NALF1: variants seen among roughly 807,000 people sequenced by gnomAD.
NALF1 encodes family with sequence similarity 155 member A.
NALF1 carries 3 observed loss-of-function variants against 48.4 expected under a neutral mutation model. The ratio of observed to expected loss-of-function variants is 0.06; its 90% CI spans 0.03 to 0.16. NALF1 has a LOEUF of 0.16. Ranked by LOEUF, NALF1 falls within the 10% of genes least tolerant of loss-of-function variation. The pLI is 1.00. For synonymous variants in NALF1, 262 were observed against 245.7 expected (o/e 1.07, Z -0.62); for missense variants, 526 against 571.5 (o/e 0.92, Z 0.81).
intron 1 of NALF1, among the ~76,000 whole-genome samples, chr13:107,240,127 T>C (rs1478632233): frequency 6.6e-6 from 1 of 152,222 alleles, no homozygotes; most frequent in Non-Finnish European, 1.5e-5. Flanking sequence ...GTTGATATGC[T>C]GAAGCCTTAA....
At chr13:107,325,127 AT>A (rs1028547088) in intron 1 of NALF1, among the ~76,000 whole-genome samples, 2 of 152,168 alleles carry the variant, frequency 1.3e-5, no homozygotes, top group Non-Finnish European at 2.9e-5. Flanking sequence ...CATATGATTT[AT>A]TTTTCACGTC....
intron 2 of NALF1, among the ~76,000 whole-genome samples, chr13:107,181,200 G>T (rs1000186441): frequency 4.0e-5 from 6 of 151,060 alleles, no homozygotes; most frequent in African/African-American, 1.5e-4. Context: ...TTAGTGAATT[G>T]GTATCTTTAT....
At chr13:107,488,133 G>T (rs1284315967) in intron 1 of NALF1, among the ~76,000 whole-genome samples, 1 of 151,044 alleles carries the variant, frequency 6.6e-6, no homozygotes, top group Non-Finnish European at 1.5e-5. Flanking sequence ...TATCATTTCT[G>T]ATGGTGTTTA....
intron 1 of NALF1, among the ~76,000 whole-genome samples, chr13:107,821,662 A>C (rs1383197077): frequency 6.6e-6 from 1 of 152,198 alleles, no homozygotes; most frequent in Non-Finnish European, 1.5e-5. Flanking sequence ...GACTGGGGAG[A>C]TATGACAACT....
chr13:107,574,655 A>G (rs1206542459), intron 1 of NALF1, among the ~76,000 whole-genome samples: 1 of 152,190 alleles, frequency 6.6e-6, no homozygotes, highest in Admixed American at 6.5e-5. Context: ...AAATTGAGTG[A>G]CCTGTTGGTA....
At chr13:107,661,313 T>C (rs1880729954) in intron 1 of NALF1, among the ~76,000 whole-genome samples, 1 of 152,198 alleles carries the variant, frequency 6.6e-6, no homozygotes. Flanking sequence ...GGCAAATACA[T>C]TAAACTAGGC....
At chr13:107,287,274 G>A (rs1046997720) in intron 1 of NALF1, among the ~76,000 whole-genome samples, 3 of 152,142 alleles carry the variant, frequency 2.0e-5, no homozygotes, top group Non-Finnish European at 2.9e-5. Context: ...GTAATTATCC[G>A]TGGAACATCA....
Position 107,442,834 on chromosome 13 carries a change from A to G in NALF1, c.916-232079T>C, listed in dbSNP as rs557139671. Among the ~76,000 whole-genome samples, 159 of 152,360 alleles carry G rather than the reference A, an allele frequency of 1.0e-3. 2 individuals carry two copies. The highest frequency in any genetic ancestry group is 3.3e-3 in the African/African-American group (138 of 41,582). On this transcript the variant is annotated intron_variant, in intron 1 of 2. Transcript: ENST00000375915. ...AAGAAAATGGCAAATCGGCATTGATATAATGGTTAAAGTTTTAACTATTGA... is the reference window on the plus strand; with the variant it reads ...AAGAAAATGGCAAATCGGCATTGATGTAATGGTTAAAGTTTTAACTATTGA...
At chr13:107,468,454 G>A (rs2139050024) in intron 1 of NALF1, among the ~76,000 whole-genome samples, 1 of 152,314 alleles carries the variant, frequency 6.6e-6, no homozygotes, top group East Asian at 1.9e-4. Context: ...ACCCACTGCT[G>A]TCAATCTTTA....
chr13:107,501,316 T>G (rs28402894), intron 1 of NALF1, among the ~76,000 whole-genome samples: 38,834 of 151,864 alleles, frequency 0.26, 5,090 homozygotes, highest in East Asian at 0.28. Flanking sequence ...GCGTGGGGGA[T>G]CATATTTCCA....
At chr13:107,580,501 T>C (rs1440334468) in intron 1 of NALF1, among the ~76,000 whole-genome samples, 5 of 152,128 alleles carry the variant, frequency 3.3e-5, no homozygotes, top group Admixed American at 6.6e-5. Flanking sequence ...GGTTCAAAAG[T>C]AGCACTTCCC....
chr13:107,603,086 ACTG>A (rs949230733), intron 1 of NALF1, among the ~76,000 whole-genome samples: 3 of 152,156 alleles, frequency 2.0e-5, no homozygotes, highest in South Asian at 2.1e-4. Context: ...TGAAAATCTT[ACTG>A]CTTATTGTTT....
chr13:107,693,334 G>GGGGGGGGGGGGGGA (rs535333019), intron 1 of NALF1, among the ~76,000 whole-genome samples: 2 of 124,074 alleles, frequency 1.6e-5, no homozygotes, highest in Admixed American at 8.4e-5. Context: ...AGGGTAGGGG[G>GGGGGGGGGGGGGGA]GGCGGGAGGG....
chr13:107,538,615 T>C (rs1050187385), intron 1 of NALF1, among the ~76,000 whole-genome samples: 15 of 152,120 alleles, frequency 9.9e-5, no homozygotes, highest in Non-Finnish European at 1.0e-4. Flanking sequence ...ACACTGATTC[T>C]TAGTTCTAAT....
intron 1 of NALF1, among the ~76,000 whole-genome samples, chr13:107,453,236 T>G (rs1884772061): frequency 1.3e-5 from 2 of 152,206 alleles, no homozygotes; most frequent in Admixed American, 1.3e-4. Context: ...CCCATATCCC[T>G]TCTTTACTTC....
At chr13:107,417,455 CA>C (rs1354150596) in intron 1 of NALF1, among the ~76,000 whole-genome samples, 1 of 152,168 alleles carries the variant, frequency 6.6e-6, no homozygotes, top group Admixed American at 6.5e-5. Context: ...TGATCAAGTG[CA>C]GCTTAACATT....
chr13:107,252,346 G>A (rs1352234665), intron 1 of NALF1, among the ~76,000 whole-genome samples: 1 of 152,034 alleles, frequency 6.6e-6, no homozygotes, highest in Non-Finnish European at 1.5e-5. Flanking sequence ...CCTGGGACAG[G>A]TGGTGGGAAA....
chr13:107,328,349 T>C (rs1882406371), intron 1 of NALF1, among the ~76,000 whole-genome samples: 1 of 151,976 alleles, frequency 6.6e-6, no homozygotes, highest in South Asian at 2.1e-4. Context: ...GTAATTTTCC[T>C]TTCCAGACTC....
intron 1 of NALF1, among the ~76,000 whole-genome samples, chr13:107,769,457 G>A (rs565931326): frequency 7.5e-4 from 107 of 143,368 alleles, no homozygotes; most frequent in African/African-American, 1.6e-3. Context: ...ACCAAACACC[G>A]CATATTCTCA....
Sources: allele counts gnomAD v4.1 joint callset (sites outside exome capture counted in the v4.1 genomes callset), GRCh38; gene constraint gnomAD v4.1.1; transcripts MANE v1.5; gene names NCBI Gene and HGNC (gene_info 2026-07-23, HGNC 2026-07-21).